FHIT: variants seen among roughly 807,000 people sequenced by gnomAD.
FHIT encodes fragile histidine triad diadenosine triphosphatase.
In FHIT, 19 loss-of-function variants were observed where a neutral mutation model predicts 17.9. The ratio of observed to expected loss-of-function variants is 1.06; its 90% CI spans 0.74 to 1.56. The LOEUF is 1.56. FHIT is among the 40% of genes most tolerant of loss of function. FHIT has a pLI of 0.00. For missense variants in FHIT, 248 were observed against 189.2 expected, an observed-to-expected ratio of 1.31 and a Z score of -1.82; for synonymous variants, 81 against 69.7, an observed-to-expected ratio of 1.16 and a Z score of -0.81.
chr3:60,656,487 GC>G lies in FHIT; in HGVS notation c.-17-119509del, dbSNP rs563092501. Among the ~76,000 whole-genome samples the G allele has an allele frequency of 5.8e-3, 882 of 152,194 alleles. 10 individuals carry two copies. Among genetic ancestry groups the G allele is most frequent in the African/African-American group, 0.02 (821 of 41,510 alleles). Reference sequence around the variant, plus strand: ...GACGCCCGCACCCAAATGAATTGGGGCACCTCTACAGACTCTCCATTCAAAC... The same window carrying G: ...GACGCCCGCACCCAAATGAATTGGGGACCTCTACAGACTCTCCATTCAAAC... On this transcript the variant is annotated intron_variant, in intron 4 of 9. Transcript: ENST00000492590.
At chr3:60,373,096 T>C (rs534637112) in intron 5 of FHIT, among the ~76,000 whole-genome samples, 107 of 152,340 alleles carry the variant, frequency 7.0e-4, no homozygotes, top group African/African-American at 2.5e-3. Context: ...GTGATGGACA[T>C]ACTGATGTTA....
At chr3:61,147,672 A>T (rs1389530409) in intron 2 of FHIT, among the ~76,000 whole-genome samples, 1 of 152,126 alleles carries the variant, frequency 6.6e-6, no homozygotes, top group African/African-American at 2.4e-5. Flanking sequence ...ATAAAAAAAT[A>T]ATAGTTACAT....
At chr3:60,533,418 T>C (rs2035859215) in intron 5 of FHIT, among the ~76,000 whole-genome samples, 1 of 152,178 alleles carries the variant, frequency 6.6e-6, no homozygotes, top group Non-Finnish European at 1.5e-5. Flanking sequence ...GCAGGTCTCG[T>C]CCATAGGAAG....
intron 2 of FHIT, among the ~76,000 whole-genome samples, chr3:61,145,212 G>A (rs555356448): frequency 5.3e-5 from 8 of 152,214 alleles, no homozygotes; most frequent in South Asian, 2.1e-4. Context: ...TAATTGTTGT[G>A]TATGGTGTGA....
chr3:60,738,041 CT>C (rs1244282751), intron 4 of FHIT, among the ~76,000 whole-genome samples: 1 of 152,112 alleles, frequency 6.6e-6, no homozygotes, highest in Non-Finnish European at 1.5e-5. Context: ...TGTAGAGTAC[CT>C]GTTAAGCTCG....
At chr3:60,351,513 A>C (rs1446112642) in intron 5 of FHIT, among the ~76,000 whole-genome samples, 1 of 152,192 alleles carries the variant, frequency 6.6e-6, no homozygotes, top group Non-Finnish European at 1.5e-5. Context: ...AGGGTCAGGG[A>C]AATGGAGACT....
chr3:59,852,458 T>A (rs1045169037), intron 8 of FHIT, among the ~76,000 whole-genome samples: 1 of 152,150 alleles, frequency 6.6e-6, no homozygotes, highest in African/African-American at 2.4e-5. Context: ...CCACATATGT[T>A]GCCTCCCATA....
chr3:60,441,769 T>TAA (rs1491410831), intron 5 of FHIT, among the ~76,000 whole-genome samples: 2 of 29,616 alleles, frequency 6.8e-5, no homozygotes, highest in Admixed American at 4.3e-4. Flanking sequence ...TATATATATA[T>TAA]TTATATGTAT....
At chr3:60,532,764 C>G (rs955926834) in intron 5 of FHIT, among the ~76,000 whole-genome samples, 1 of 152,186 alleles carries the variant, frequency 6.6e-6, no homozygotes, top group African/African-American at 2.4e-5. Context: ...GATCCTGCTT[C>G]AAAAGCGTAT....
intron 4 of FHIT, among the ~76,000 whole-genome samples, chr3:60,603,815 G>C (rs2038521355): frequency 6.6e-6 from 1 of 151,918 alleles, no homozygotes; most frequent in African/African-American, 2.4e-5. Flanking sequence ...ACACTATAAG[G>C]CTCTGTTTCA....
chr3:60,735,754 A>G (rs1553712433), intron 4 of FHIT, among the ~76,000 whole-genome samples: 1 of 152,234 alleles, frequency 6.6e-6, no homozygotes, highest in Non-Finnish European at 1.5e-5. Flanking sequence ...AAATCTTCTT[A>G]CTTTCATTAA....
chr3:60,614,523 G>A (rs550298678), intron 4 of FHIT, among the ~76,000 whole-genome samples: 5 of 152,104 alleles, frequency 3.3e-5, no homozygotes, highest in Admixed American at 6.5e-5. Context: ...AGAATTGCTT[G>A]AACCCGGGAG....
chr3:60,756,395 G>T (rs2042572042), intron 4 of FHIT, among the ~76,000 whole-genome samples: 2 of 152,162 alleles, frequency 1.3e-5, no homozygotes, highest in Non-Finnish European at 1.5e-5. Flanking sequence ...ACATTTGTCT[G>T]GCAAATACGA....
intron 3 of FHIT, among the ~76,000 whole-genome samples, chr3:60,924,064 C>A (rs566621103): frequency 1.3e-5 from 2 of 152,298 alleles, no homozygotes; most frequent in African/African-American, 4.8e-5. Flanking sequence ...GGCCTGGAAG[C>A]TCGAACTCGG....
rs568785089 is a variant in FHIT, at chr3:60,380,771, G to A, written c.103+156089C>T. ...CTAACACCCCTGAGCATTTTGACCC[G>A]GTAAGGCAAAGATGAATATTTCTTA... On this transcript the variant is annotated intron_variant, in intron 5 of 9. Transcript: ENST00000492590. Among the ~76,000 whole-genome samples the A allele has an allele frequency of 1.5e-4, 23 of 152,194 alleles. No individual in the cohort carries two copies. The South Asian group carries it at 4.2e-3, about 28-fold the overall frequency.
At chr3:60,454,846 G>A (rs1403972576) in intron 5 of FHIT, among the ~76,000 whole-genome samples, 1 of 151,966 alleles carries the variant, frequency 6.6e-6, no homozygotes, top group African/African-American at 2.4e-5. Flanking sequence ...CTTATCCAGG[G>A]TTGTAAAGAT....
intron 2 of FHIT, among the ~76,000 whole-genome samples, chr3:61,121,162 A>G (rs1224378569): frequency 6.6e-6 from 1 of 152,172 alleles, no homozygotes; most frequent in Non-Finnish European, 1.5e-5. Context: ...CAAGTTGAAA[A>G]ACACTCTTCA....
intron 5 of FHIT, among the ~76,000 whole-genome samples, chr3:60,288,882 A>G (rs1707853223): frequency 1.3e-5 from 2 of 152,180 alleles, no homozygotes; most frequent in African/African-American, 2.4e-5. Context: ...TGGGATACAT[A>G]TAATAACTGA....
intron 4 of FHIT, among the ~76,000 whole-genome samples, chr3:60,542,242 G>C (rs2036209433): frequency 1.3e-5 from 2 of 152,030 alleles, no homozygotes; most frequent in Admixed American, 1.3e-4. Context: ...CATTCCTCTA[G>C]TGCTGTAGAG....
Sources: gnomAD v4.1 joint callset for allele counts (sites outside exome capture counted in the v4.1 genomes callset) on GRCh38, gnomAD v4.1.1 for gene constraint, MANE v1.5 for transcripts, NCBI Gene and HGNC (gene_info 2026-07-23, HGNC 2026-07-21) for gene names.